Variants in ABHD12 observed in about 807,000 individuals in gnomAD.
ABHD12 encodes the protein abhydrolase domain containing 12, lysophospholipase, also known as lysophosphatidylserine lipase ABHD12.
Under a neutral mutation model 58.3 loss-of-function variants are expected in ABHD12, and 43 were observed. The ratio of observed to expected loss-of-function variants is 0.74; its 90% CI spans 0.58 to 0.95. The LOEUF (loss-of-function observed/expected upper bound fraction) is 0.95. Among genes scored for constraint, ABHD12 ranks in the 40% least tolerant of loss-of-function variants. The probability of loss-of-function intolerance (pLI) is 0.00; values close to 1 mark genes in which losing one functional copy is unlikely to be tolerated. For missense variants in ABHD12, 539 were observed against 537.2 expected, an observed-to-expected ratio of 1.00 and a Z score of -0.03; for synonymous variants, 219 against 211.2, an observed-to-expected ratio of 1.04 and a Z score of -0.32.
downstream of ABHD12, chr20:25,296,544 C>T (rs1310016548): frequency 3.1e-6 from 5 of 1,594,536 alleles, no homozygotes; most frequent in African/African-American, 4.0e-5. Context: ...CTTGGCGGGA[C>T]CAGCGGGCAT....
At chr20:25,357,148 G>C (rs2089679515) in intron 1 of ABHD12, among the ~76,000 whole-genome samples, 1 of 152,256 alleles carries the variant, frequency 6.6e-6, no homozygotes, top group South Asian at 2.1e-4. Context: ...TGTGCCCCAT[G>C]CTGCTGTCCC....
chr20:25,318,005 C>T (rs1275189961), intron 4 of ABHD12, among the ~76,000 whole-genome samples: 2 of 152,116 alleles, frequency 1.3e-5, no homozygotes, highest in African/African-American at 4.8e-5. Context: ...GAGGAGGAAG[C>T]CAATAAAGTA....
At chr20:25,377,717 A>G (rs139510124) in intron 1 of ABHD12, among the ~76,000 whole-genome samples, 26 of 152,250 alleles carry the variant, frequency 1.7e-4, no homozygotes, top group African/African-American at 6.0e-4. Context: ...GTTTGTTTTG[A>G]GATGGAATCT....
intron 8 of ABHD12, 60 bp from the exon 9 acceptor site, chr20:25,308,105 T>C (rs886487223): frequency 2.5e-6 from 3 of 1,207,656 alleles, no homozygotes; most frequent in African/African-American, 3.0e-5. Context: ...ACATGTGGCC[T>C]GTGGGGCTCT....
At chr20:25,343,215 A>T (rs1410756733) in intron 1 of ABHD12, among the ~76,000 whole-genome samples, 1 of 152,252 alleles carries the variant, frequency 6.6e-6, no homozygotes, top group African/African-American at 2.4e-5. Context: ...ATCAATAATT[A>T]ACAACCTTCC....
At chr20:25,335,227 T>G (rs191372935) in intron 2 of ABHD12, among the ~76,000 whole-genome samples, 1,555 of 152,314 alleles carry the variant, frequency 0.01, 15 homozygotes, top group Non-Finnish European at 0.017. Flanking sequence ...CACTGGCCAT[T>G]GGAGAAATGC....
intron 10 of ABHD12, among the ~76,000 whole-genome samples, chr20:25,304,537 G>C (rs540334503): frequency 6.6e-6 from 1 of 152,328 alleles, no homozygotes; most frequent in African/African-American, 2.4e-5. Flanking sequence ...GGCAGCTTCA[G>C]GGGCACGGTA....
At chr20:25,322,037 C>A (rs542763686) in intron 3 of ABHD12, among the ~76,000 whole-genome samples, 8 of 152,132 alleles carry the variant, frequency 5.3e-5, no homozygotes. Flanking sequence ...TGGAAAGCGA[C>A]GTTATGGCTA....
chr20:25,375,996 G>A (rs138778186), intron 1 of ABHD12, among the ~76,000 whole-genome samples: 1,912 of 152,116 alleles, frequency 0.013, 43 homozygotes, highest in African/African-American at 0.041. Context: ...GGTGGTGGGC[G>A]CCTGTAGTCC....
At chr20:25,367,284 TGGAG>T (rs973933654) in intron 1 of ABHD12, among the ~76,000 whole-genome samples, 9 of 152,120 alleles carry the variant, frequency 5.9e-5, no homozygotes, top group African/African-American at 1.7e-4. Flanking sequence ...TACGGTGACA[TGGAG>T]GGAGGGCTTA....
Position 25,294,768 on chromosome 20 carries a change from T to C in ABHD12, c.*205A>G, listed in dbSNP as rs558788558. The C allele has an allele frequency of 5.2e-5, 35 of 667,448 alleles. No individual in the cohort carries two copies. In the East Asian group the frequency reaches 9.2e-4, roughly 18 times the overall value. The allele number at this position is 667,448 out of a possible 1,614,324, so 41.3% of individuals were successfully genotyped here. On this transcript the variant is annotated 3_prime_UTR_variant, in exon 13 of 13. Coordinates refer to the ABHD12 transcript ENST00000376542. ...TGACATTATAATGTAGTTAGTGTTT[T>C]ATTTCAGTGCAGTTAGCACATGGTA...
At position 25,310,786 on chromosome 20, in the gene ABHD12, G is replaced by A. The variant is rs558562012; in HGVS notation, c.620-1211C>T. Among the ~76,000 whole-genome samples the A allele has an allele frequency of 4.7e-4, 72 of 152,156 alleles. 1 individual carries two copies. The highest frequency in any genetic ancestry group is 8.5e-4 in the Non-Finnish European group (58 of 68,022). The stretch of plus-strand genomic sequence containing the variant: ...ACAGGGACAGGAGGCAGAAGGATGC[G>A]GACAAAGAGGCAGATGCAGTGAGAG... On this transcript the variant is annotated intron_variant, in intron 6 of 12. Coordinates refer to ENST00000339157, the MANE Select transcript of ABHD12 (RefSeq NM_001042472.3).
chr20:25,369,059 G>A (rs1445061674), intron 1 of ABHD12, among the ~76,000 whole-genome samples: 3 of 151,998 alleles, frequency 2.0e-5, no homozygotes, highest in Non-Finnish European at 2.9e-5. Flanking sequence ...GGAGATCAAG[G>A]GTAAGCCATG....
intron 5 of ABHD12, among the ~76,000 whole-genome samples, chr20:25,316,533 T>A (rs1270264240): frequency 6.6e-6 from 1 of 152,236 alleles, no homozygotes; most frequent in East Asian, 1.9e-4. Flanking sequence ...AGTCTGCCAA[T>A]ATCTGCACTT....
intron 1 of ABHD12, among the ~76,000 whole-genome samples, chr20:25,371,014 C>T (rs2089893389): frequency 6.6e-6 from 1 of 152,040 alleles, no homozygotes; most frequent in African/African-American, 2.4e-5. Context: ...TGTTCTGCCT[C>T]TACTGTTCTA....
chr20:25,300,284 A>G lies in ABHD12; in HGVS notation c.*561T>C. The G allele has an allele frequency of 9.8e-7, 1 of 1,023,904 alleles. No individual in the cohort carries two copies. The highest frequency in any genetic ancestry group is 5.0e-5 in the Admixed American group (1 of 19,820). 63.4% of individuals were successfully genotyped at this position (1,023,904 alleles called of 1,614,324 possible). A position where few individuals can be genotyped will look rare whatever the true frequency, so the allele number is the denominator to read the frequency against. On this transcript the variant is annotated 3_prime_UTR_variant, in exon 13 of 13. Coordinates refer to ENST00000339157, the MANE Select transcript of ABHD12 (RefSeq NM_001042472.3). ...CAGGTTAGGTGTACAGGTAGGTGAA[A>G]GGGGAGGAAGTGCAGATCCCGGGCA...
chr20:25,386,152 T>C (rs1015397090), intron 1 of ABHD12, among the ~76,000 whole-genome samples: 2 of 104,808 alleles, frequency 1.9e-5, no homozygotes, highest in African/African-American at 3.4e-5. Flanking sequence ...TAAAATGTTA[T>C]GTAAGAAACT....
At chr20:25,311,896 C>T (rs1002365708) in intron 6 of ABHD12, among the ~76,000 whole-genome samples, 39 of 151,960 alleles carry the variant, frequency 2.6e-4, no homozygotes, top group Non-Finnish European at 5.2e-4. Context: ...TTAGTAGAGG[C>T]GGGGTTTTGC....
chr20:25,325,346 C>G (rs563669917), intron 2 of ABHD12, among the ~76,000 whole-genome samples: 1 of 152,154 alleles, frequency 6.6e-6, no homozygotes, highest in Admixed American at 6.5e-5. Flanking sequence ...CCCGCCTGCC[C>G]TGTTATGGGC....
Sources: gnomAD v4.1 joint callset for allele counts (sites outside exome capture counted in the v4.1 genomes callset) on GRCh38, gnomAD v4.1.1 for gene constraint, MANE v1.5 for transcripts, NCBI Gene and HGNC (gene_info 2026-07-23, HGNC 2026-07-21) for gene names.